RALYL: variants seen among roughly 807,000 people sequenced by gnomAD.
RALYL encodes RALY RNA binding protein like.
Under a neutral mutation model 35.1 loss-of-function variants are expected in RALYL, and 29 were observed. The observed-to-expected ratio is 0.83, with a 90% CI of 0.61 to 1.13. RALYL has a LOEUF of 1.13. Ranked by LOEUF, RALYL falls within the 50% of genes most tolerant of loss-of-function variation. RALYL has a pLI of 0.00. For missense variants in RALYL, 359 were observed against 360.4 expected (o/e 1.00, Z 0.03); for synonymous variants, 120 against 127.6 (o/e 0.94, Z 0.40).
At chr8:84,857,642 C>A (rs1308507727) in intron 5 of RALYL, among the ~76,000 whole-genome samples, 1 of 151,998 alleles carries the variant, frequency 6.6e-6, no homozygotes, top group East Asian at 1.9e-4. Flanking sequence ...AGAAAATGCC[C>A]CACAGCCATT....
At chr8:84,855,593 G>T (rs1458155952) in intron 5 of RALYL, among the ~76,000 whole-genome samples, 2 of 152,044 alleles carry the variant, frequency 1.3e-5, no homozygotes, top group Non-Finnish European at 2.9e-5. Flanking sequence ...TCTTTTAAAG[G>T]TCCATATATG....
chr8:84,920,859 T>C (rs1160578161), intron 8 of RALYL, 35 bp from the exon 9 acceptor site: 2 of 1,083,510 alleles, frequency 1.8e-6, no homozygotes, highest in Non-Finnish European at 2.6e-6. Context: ...AAAACACAAA[T>C]CTCTGTATTT....
rs907766329 is a variant in RALYL, at chr8:84,516,051, GGA to G, written c.-23-13244_-23-13243del. ...GCGGTGTGGGGTGGGGCTGAGAGTG[GGA>G]GAGGTGGGTGGGGATATAGTTAATT... On this transcript the variant is annotated intron_variant, in intron 1 of 8. Coordinates refer to ENST00000521268, the MANE Select transcript of RALYL (RefSeq NM_173848.7). Among the ~76,000 whole-genome samples, 11 of 151,704 alleles carry G rather than the reference GGA, an allele frequency of 7.3e-5. No individual in the cohort carries two copies. The South Asian group carries it at 1.9e-3, about 26-fold the overall frequency.
intron 2 of RALYL, among the ~76,000 whole-genome samples, chr8:84,640,649 G>A (rs1826114924): frequency 6.6e-6 from 1 of 151,792 alleles, no homozygotes; most frequent in South Asian, 2.1e-4. Context: ...CACAACAATA[G>A]TTACAACTGG....
At chr8:84,781,554 G>A (rs1818169155) in intron 3 of RALYL, among the ~76,000 whole-genome samples, 1 of 152,182 alleles carries the variant, frequency 6.6e-6, no homozygotes, top group Non-Finnish European at 1.5e-5. Flanking sequence ...GACCTTTGTG[G>A]TTTATGTTGC....
At chr8:84,886,688 G>T (rs1449340737) in intron 7 of RALYL, among the ~76,000 whole-genome samples, 1 of 152,124 alleles carries the variant, frequency 6.6e-6, no homozygotes, top group Admixed American at 6.6e-5. Flanking sequence ...CCCACTAGAG[G>T]AAATAATTAC....
intron 1 of RALYL, among the ~76,000 whole-genome samples, chr8:84,258,773 C>T (rs532789687): frequency 3.9e-4 from 59 of 152,194 alleles, no homozygotes; most frequent in African/African-American, 1.3e-3. Flanking sequence ...TATTGCCTTT[C>T]CCCACAGTCA....
intron 3 of RALYL, 74 bp downstream of exon 3, chr8:84,774,728 G>A (rs533349834): frequency 1.3e-5 from 12 of 898,590 alleles, no homozygotes; most frequent in South Asian, 3.0e-5. Context: ...AATATAACTT[G>A]TAAGGCATCC....
intron 3 of RALYL, among the ~76,000 whole-genome samples, chr8:84,790,957 C>A (rs1299277267): frequency 6.6e-6 from 1 of 152,112 alleles, no homozygotes; most frequent in Non-Finnish European, 1.5e-5. Context: ...ACTGAGAAAC[C>A]TTTAGGCTGA....
At chr8:84,371,655 T>C (rs1855748834) in intron 1 of RALYL, among the ~76,000 whole-genome samples, 2 of 151,844 alleles carry the variant, frequency 1.3e-5, no homozygotes, top group South Asian at 4.1e-4. Flanking sequence ...TCAAAGTTCC[T>C]AAGGGGGCTG....
chr8:84,334,561 CTT>C (rs1267011616), intron 1 of RALYL, among the ~76,000 whole-genome samples: 4 of 151,310 alleles, frequency 2.6e-5, no homozygotes, highest in Admixed American at 2.6e-4. Flanking sequence ...AAAATTGTAA[CTT>C]AACATTTAAT....
chr8:84,810,145 C>T (rs547023886), intron 4 of RALYL, among the ~76,000 whole-genome samples: 49 of 152,204 alleles, frequency 3.2e-4, no homozygotes, highest in African/African-American at 1.1e-3. Flanking sequence ...CCTCTTAGCA[C>T]CACCTTTACT....
intron 1 of RALYL, among the ~76,000 whole-genome samples, chr8:84,228,816 G>C (rs1021221425): frequency 1.3e-5 from 2 of 152,180 alleles, no homozygotes; most frequent in African/African-American, 2.4e-5. Flanking sequence ...AATGAGCGCT[G>C]AGTGAAGGGG....
intron 2 of RALYL, among the ~76,000 whole-genome samples, chr8:84,708,156 G>A (rs1007211312): frequency 5.9e-5 from 9 of 152,140 alleles, no homozygotes; most frequent in Non-Finnish European, 1.3e-4. Context: ...TCCTTTCAGA[G>A]GATCTGACAA....
chr8:84,886,753 A>G (rs894057505), intron 7 of RALYL, among the ~76,000 whole-genome samples: 7 of 152,322 alleles, frequency 4.6e-5, no homozygotes, highest in Middle Eastern at 3.4e-3. Flanking sequence ...GAATGCACAG[A>G]TCCTGACAAC....
At position 84,484,039 on chromosome 8, in the gene RALYL, T is replaced by C. The variant is rs556836180; in HGVS notation, c.-23-45260T>C. Among the ~76,000 whole-genome samples, 5 of 152,278 alleles carry C rather than the reference T, an allele frequency of 3.3e-5. No individual in the cohort carries two copies. In the East Asian group the frequency reaches 5.8e-4, roughly 18 times the overall value. On this transcript the variant is annotated intron_variant, in intron 1 of 8. Coordinates refer to ENST00000521268, the MANE Select transcript of RALYL (RefSeq NM_173848.7). The stretch of plus-strand genomic sequence containing the variant: ...ACATGTTTAATGCAGCTTTTCTTTT[T>C]TGAAACACTTTCATTGAGTTGACAG...
chr8:84,730,481 G>C (rs1226158637), intron 2 of RALYL, among the ~76,000 whole-genome samples: 1 of 149,608 alleles, frequency 6.7e-6, no homozygotes, highest in East Asian at 1.9e-4. Context: ...GCACAAGACA[G>C]GGATGCCCTC....
At chr8:84,591,466 G>T (rs928732594) in intron 2 of RALYL, among the ~76,000 whole-genome samples, 5 of 152,170 alleles carry the variant, frequency 3.3e-5, no homozygotes, top group Non-Finnish European at 7.3e-5. Flanking sequence ...CACTCAGTAG[G>T]TTGCATTACA....
chr8:84,386,750 G>A (rs1321580491), intron 1 of RALYL, among the ~76,000 whole-genome samples: 3 of 151,844 alleles, frequency 2.0e-5, no homozygotes, highest in Non-Finnish European at 4.4e-5. Context: ...ACCAAGGAAT[G>A]TTGCAAGGCC....
Sources: gnomAD v4.1 joint callset for allele counts (sites outside exome capture counted in the v4.1 genomes callset) on GRCh38, gnomAD v4.1.1 for gene constraint, MANE v1.5 for transcripts, NCBI Gene and HGNC (gene_info 2026-07-23, HGNC 2026-07-21) for gene names.